PLPPR1: variants seen among roughly 807,000 people sequenced by gnomAD.
The protein encoded by PLPPR1 is phospholipid phosphatase related 1.
PLPPR1 carries 10 observed loss-of-function variants against 33.1 expected under a neutral mutation model. The ratio of observed to expected loss-of-function variants is 0.30; its 90% confidence interval spans 0.19 to 0.51. The LOEUF (loss-of-function observed/expected upper bound fraction) is 0.51, where lower values mean the gene tolerates loss of function less well. Among genes scored for constraint, PLPPR1 ranks in the 20% least tolerant of loss-of-function variants. PLPPR1 has a pLI of 0.97. For synonymous variants in PLPPR1, 151 were observed against 151.0 expected (o/e 1.00, Z 0.00); for missense variants, 304 against 408.1 (o/e 0.74, Z 2.20).
chr9:101,186,569 A>C (rs1054135912), intron 2 of PLPPR1, among the ~76,000 whole-genome samples: 27 of 152,032 alleles, frequency 1.8e-4, no homozygotes, highest in Middle Eastern at 3.4e-3. Flanking sequence ...GCAAAAATGT[A>C]CTTTCAGTAC....
chr9:101,188,042 T>C (rs539240356), intron 2 of PLPPR1: 1 of 152,176 alleles, frequency 6.6e-6, no homozygotes, highest in African/African-American at 2.4e-5. Context: ...CTTTTGCAAC[T>C]TGCCTTTTCA....
chr9:101,133,720 T>C (rs1831344724), intron 1 of PLPPR1, among the ~76,000 whole-genome samples: 1 of 152,214 alleles, frequency 6.6e-6, no homozygotes, highest in Non-Finnish European at 1.5e-5. Context: ...AGAAAGAGGA[T>C]GACTGTTGTA....
intron 2 of PLPPR1, among the ~76,000 whole-genome samples, chr9:101,242,240 CTT>C (rs529626978): frequency 4.3e-5 from 6 of 138,174 alleles, no homozygotes; most frequent in Non-Finnish European, 4.8e-5. Context: ...AGCTGGAATT[CTT>C]TTTTTTTTTT....
At chr9:101,303,682 T>G (rs1199395564) in intron 4 of PLPPR1, among the ~76,000 whole-genome samples, 1 of 152,230 alleles carries the variant, frequency 6.6e-6, no homozygotes, top group African/African-American at 2.4e-5. Flanking sequence ...ACTAAGCAAC[T>G]GCCCACAGAG....
intron 1 of PLPPR1, among the ~76,000 whole-genome samples, chr9:101,076,901 A>G (rs1317463722): frequency 6.6e-6 from 1 of 152,200 alleles, no homozygotes; most frequent in Non-Finnish European, 1.5e-5. Flanking sequence ...CACATTTGCC[A>G]TTTCCTCGGC....
chr9:101,030,184 C>T (rs899461369), intron 1 of PLPPR1, among the ~76,000 whole-genome samples: 3 of 151,852 alleles, frequency 2.0e-5, no homozygotes, highest in Non-Finnish European at 2.9e-5. Flanking sequence ...CCGGGAAAAG[C>T]GTCAAATCGA....
intron 1 of PLPPR1, among the ~76,000 whole-genome samples, chr9:101,068,585 G>A (rs1830447771): frequency 1.3e-5 from 2 of 151,826 alleles, no homozygotes; most frequent in African/African-American, 2.4e-5. Flanking sequence ...ACTGAGAGTA[G>A]GAAAAATGCT....
chr9:101,318,368 A>G lies in PLPPR1; in HGVS notation c.945+872A>G, dbSNP rs189654011. Reference sequence around the variant, plus strand: ...GGAGCCTGGACAGATGATATGAAGCACTTAATTTTTCCCAGGACAATTGCT... The same window carrying G: ...GGAGCCTGGACAGATGATATGAAGCGCTTAATTTTTCCCAGGACAATTGCT... On this transcript the variant is annotated intron_variant, in intron 7 of 7. Transcript: ENST00000374874. Among the ~76,000 whole-genome samples, 22 of 152,356 alleles carry G rather than the reference A, an allele frequency of 1.4e-4. No individual in the cohort carries two copies. The East Asian group carries it at 3.7e-3, about 25-fold the overall frequency.
At chr9:101,061,791 A>G (rs1422556074) in intron 1 of PLPPR1, among the ~76,000 whole-genome samples, 1 of 152,042 alleles carries the variant, frequency 6.6e-6, no homozygotes, top group African/African-American at 2.4e-5. Flanking sequence ...ATATTTATGG[A>G]ATAAATGAAC....
chr9:101,029,416 C>T (rs936080318), intron 1 of PLPPR1, among the ~76,000 whole-genome samples: 1 of 152,220 alleles, frequency 6.6e-6, no homozygotes, highest in Non-Finnish European at 1.5e-5. Context: ...CCCGTTCCAC[C>T]CTCCTGACTG....
Position 101,324,345 on chromosome 9 carries a change from T to A in PLPPR1, c.*288T>A, listed in dbSNP as rs1025280963. The stretch of plus-strand genomic sequence containing the variant: ...ATTTATTCAATGGTTGACGTTGTTT[T>A]GTGATATTTGTACACAAATTTTCTT... On this transcript the variant is annotated 3_prime_UTR_variant, in exon 8 of 8. Coordinates refer to ENST00000374874, the MANE Select transcript of PLPPR1 (RefSeq NM_207299.2). 14 of 304,854 alleles carry A rather than the reference T, an allele frequency of 4.6e-5. No homozygotes were observed. The highest frequency in any genetic ancestry group is 2.8e-4 in the African/African-American group (13 of 46,312). The allele number at this position is 304,854 out of a possible 1,614,324, so 18.9% of individuals were successfully genotyped here.
At chr9:101,065,725 A>C (rs1830404336) in intron 1 of PLPPR1, among the ~76,000 whole-genome samples, 1 of 152,104 alleles carries the variant, frequency 6.6e-6, no homozygotes, top group African/African-American at 2.4e-5. Flanking sequence ...CAAATGTGTA[A>C]CATAATCCCA....
At chr9:101,309,612 C>A in intron 5 of PLPPR1, 151 bp downstream of exon 5, 1 of 779,992 alleles carries the variant, frequency 1.3e-6, no homozygotes, top group Admixed American at 2.8e-5. Flanking sequence ...TATACTAGCC[C>A]CCCCACACAC....
chr9:101,109,199 C>G (rs1831019443), intron 1 of PLPPR1, among the ~76,000 whole-genome samples: 1 of 138,032 alleles, frequency 7.2e-6, no homozygotes, highest in African/African-American at 2.7e-5. Context: ...TGGTCTCTAT[C>G]TCCTGACGTC....
chr9:101,303,930 T>C (rs555576898), intron 4 of PLPPR1, among the ~76,000 whole-genome samples: 48 of 152,308 alleles, frequency 3.2e-4, no homozygotes, highest in African/African-American at 1.1e-3. Flanking sequence ...AAACTACCCA[T>C]CAATACTTCC....
chr9:101,200,358 T>C (rs1320733460), intron 2 of PLPPR1, among the ~76,000 whole-genome samples: 1 of 152,050 alleles, frequency 6.6e-6, no homozygotes, highest in Non-Finnish European at 1.5e-5. Flanking sequence ...TGGGAAGTGA[T>C]CCCATCCAAC....
intron 1 of PLPPR1, among the ~76,000 whole-genome samples, chr9:101,084,159 G>GAAATGA (rs1830651328): frequency 6.6e-6 from 1 of 152,162 alleles, no homozygotes; most frequent in East Asian, 1.9e-4. Flanking sequence ...TGATCAGGTG[G>GAAATGA]TCCTAGCCAT....
intron 2 of PLPPR1, among the ~76,000 whole-genome samples, chr9:101,244,851 TTAA>T (rs1189796064): frequency 4.6e-5 from 7 of 151,930 alleles, no homozygotes. Flanking sequence ...CCAGAATTTA[TTAA>T]TAACTACAAG....
chr9:101,160,675 C>G (rs1249352249), intron 1 of PLPPR1, among the ~76,000 whole-genome samples: 2 of 151,960 alleles, frequency 1.3e-5, no homozygotes, highest in South Asian at 2.1e-4. Context: ...TAAAATTAGA[C>G]AAATTCCTGG....
Sources: allele counts gnomAD v4.1 joint callset (sites outside exome capture counted in the v4.1 genomes callset), GRCh38; gene constraint gnomAD v4.1.1; transcripts MANE v1.5; gene names NCBI Gene and HGNC (gene_info 2026-07-23, HGNC 2026-07-21).